NUGGC: variants seen among roughly 807,000 people sequenced by gnomAD.
The protein encoded by NUGGC is nuclear GTPase, germinal center associated.
A neutral mutation model predicts 92.6 loss-of-function variants in NUGGC; 58 were observed. That is an observed-to-expected ratio of 0.63 (90% confidence interval 0.51 to 0.78). The LOEUF is 0.78. Among genes scored for constraint, NUGGC ranks in the 30% least tolerant of loss-of-function variants. The pLI is 0.00. For missense variants in NUGGC, 925 were observed against 964.6 expected (o/e 0.96, Z 0.54); for synonymous variants, 376 against 366.4 (o/e 1.03, Z -0.30).
chr8:28,053,961 C>T (rs759955898), intron 10 of NUGGC, among the ~76,000 whole-genome samples: 1 of 152,108 alleles, frequency 6.6e-6, no homozygotes, highest in Non-Finnish European at 1.5e-5. Context: ...TTCAATTCCA[C>T]GTTGCACAAC....
chr8:28,083,834 G>A lies in NUGGC; in HGVS notation c.-106C>T, dbSNP rs1049612601. 23 of 151,666 alleles carry A rather than the reference G, an allele frequency of 1.5e-4. No homozygotes were observed. The highest frequency in any genetic ancestry group is 1.5e-3 in the Admixed American group (23 of 15,240). 9.4% of individuals were successfully genotyped at this position (151,666 alleles called of 1,614,324 possible). A position where few individuals can be genotyped will look rare whatever the true frequency, so the allele number is the denominator to read the frequency against. ...TCTGGTTTGGTTACAGGAGTCCACA[G>A]AGGAGATGGTGGCAGCTTCTCCTTG... On this transcript the variant is annotated 5_prime_UTR_variant, in exon 1 of 19. Transcript: ENST00000413272.
chr8:28,029,282 T>A lies in NUGGC; in HGVS notation c.2138A>T (p.Gln713Leu), dbSNP rs747619885. 1 of 1,606,328 alleles carries A rather than the reference T, an allele frequency of 6.2e-7. No homozygotes were observed. The highest frequency in any genetic ancestry group is 8.5e-7 in the Non-Finnish European group (1 of 1,176,412). ...FERAQERMQH[Q>L]FQQLKTGIVE... ...ATAGAGTACCTTCAGCTGCTGAAAC[T>A]GGTGCTGCATCCTTTCCTGGGCCCT... Residue 713 changes from glutamine to leucine, a missense_variant, in exon 17 of 19, where the codon CAG (glutamine) becomes CTG (leucine). By Grantham distance (113) the Gln-to-Leu change is moderately radical (BLOSUM62 -2). Coordinates refer to ENST00000413272, the MANE Select transcript of NUGGC (RefSeq NM_001010906.2).
At chr8:28,048,934 G>T (rs937108206) in intron 10 of NUGGC, among the ~76,000 whole-genome samples, 3 of 150,320 alleles carry the variant, frequency 2.0e-5, no homozygotes, top group Admixed American at 1.3e-4. Context: ...TAGAAAAACA[G>T]TGTCGTGGAG....
chr8:28,068,864 G>C (rs1318897383), intron 4 of NUGGC, among the ~76,000 whole-genome samples: 1 of 152,162 alleles, frequency 6.6e-6, no homozygotes, highest in Non-Finnish European at 1.5e-5. Flanking sequence ...AGCCTCTGAA[G>C]TAGCTGGAAC....
At chr8:28,077,819 G>C (rs1810760001) in intron 1 of NUGGC, among the ~76,000 whole-genome samples, 1 of 152,180 alleles carries the variant, frequency 6.6e-6, no homozygotes, top group Non-Finnish European at 1.5e-5. Flanking sequence ...CAAAAGAACT[G>C]ATAGACCAAG....
chr8:28,072,487 T>C (rs1182553285), intron 2 of NUGGC, among the ~76,000 whole-genome samples: 1 of 152,090 alleles, frequency 6.6e-6, no homozygotes, highest in Non-Finnish European at 1.5e-5. Context: ...AGGAACTCTT[T>C]TGGGTAAACA....
In NUGGC at chr8:28,023,261, T is replaced by C; in HGVS notation, c.*56A>G. ...TGTCTCTTAAGAACAAAAAAAGTAA[T>C]TCTAATTCTCTGGCTCTGGGCTGAT... is the stretch of plus-strand genomic sequence containing the variant. On this transcript the variant is annotated 3_prime_UTR_variant, in exon 19 of 19. Coordinates refer to ENST00000413272, the MANE Select transcript of NUGGC (RefSeq NM_001010906.2). The C allele has an allele frequency of 7.8e-6, 12 of 1,547,570 alleles. No homozygotes were observed. Among genetic ancestry groups the C allele is most frequent in the Non-Finnish European group, 1.0e-5 (12 of 1,143,720 alleles).
rs572983426 is a variant in NUGGC at position 28,051,676 on chromosome 8, A to G, written c.1207-4064T>C. On this transcript the variant is annotated intron_variant, in intron 10 of 18. Coordinates refer to ENST00000413272, the MANE Select transcript of NUGGC (RefSeq NM_001010906.2). Reference sequence around the variant, plus strand: ...TGCATTGGCTCATGCCTGTAATCCCAGCACTTTGAGAGGCTGAGGGCAGAT... The same window carrying G: ...TGCATTGGCTCATGCCTGTAATCCCGGCACTTTGAGAGGCTGAGGGCAGAT... 2.0e-5 allele frequency among the ~76,000 whole-genome samples: 3 copies of G among 152,344 alleles called. No individual in the cohort carries two copies. In the South Asian group the frequency reaches 6.2e-4, roughly 32 times the overall value.
chr8:28,056,119 G>A (rs1000761476), intron 9 of NUGGC, 65 bp from the exon 10 acceptor site: 6 of 886,354 alleles, frequency 6.8e-6, no homozygotes, highest in Non-Finnish European at 1.1e-5. Flanking sequence ...GAGGTGGCAA[G>A]ATGCACATTT....
chr8:28,052,401 TG>T (rs1810029339), intron 10 of NUGGC, among the ~76,000 whole-genome samples: 1 of 152,054 alleles, frequency 6.6e-6, no homozygotes, highest in Non-Finnish European at 1.5e-5. Context: ...ATATGGAAAT[TG>T]GGTCATTGAG....
intron 13 of NUGGC, among the ~76,000 whole-genome samples, chr8:28,035,722 C>T (rs921413899): frequency 3.9e-5 from 6 of 152,150 alleles, no homozygotes; most frequent in African/African-American, 1.2e-4. Context: ...TCCATGAGGG[C>T]ATAAATACCC....
intron 11 of NUGGC, 136 bp downstream of exon 11, chr8:28,047,371 T>G (rs924629251): frequency 6.8e-6 from 4 of 592,172 alleles, no homozygotes; most frequent in Non-Finnish European, 1.2e-5. Flanking sequence ...TATCCTTATT[T>G]GCAATTGGTA....
At chr8:28,024,044 A>T (rs916016411) in intron 18 of NUGGC, among the ~76,000 whole-genome samples, 1 of 152,058 alleles carries the variant, frequency 6.6e-6, no homozygotes, top group East Asian at 1.9e-4. Flanking sequence ...GGCCTTTGAC[A>T]TGGAGTTTTG....
chr8:28,036,565 C>T (rs1809559033), intron 13 of NUGGC, among the ~76,000 whole-genome samples: 1 of 152,222 alleles, frequency 6.6e-6, no homozygotes, highest in Non-Finnish European at 1.5e-5. Context: ...GAACATATTG[C>T]TTCCCCAACC....
intron 1 of NUGGC, among the ~76,000 whole-genome samples, chr8:28,076,833 A>T (rs544877639): frequency 1.3e-5 from 2 of 152,298 alleles, no homozygotes; most frequent in South Asian, 4.1e-4. Flanking sequence ...GACATCCTGC[A>T]TATTTTCTAG....
chr8:28,029,056 G>A (rs1045933283), intron 17 of NUGGC, among the ~76,000 whole-genome samples: 4 of 152,148 alleles, frequency 2.6e-5, no homozygotes, highest in African/African-American at 9.7e-5. Context: ...CACATGTCTA[G>A]CTATTACAGT....
chr8:28,065,409 C>G (rs1810417250), intron 6 of NUGGC, among the ~76,000 whole-genome samples: 3 of 152,188 alleles, frequency 2.0e-5, no homozygotes, highest in South Asian at 4.1e-4. Context: ...ATCCGCCCTC[C>G]TCAGCCTCCC....
rs569552583 is a variant in NUGGC at position 28,045,539 on chromosome 8, C to T, written c.1434G>A (p.Thr478=). 62 of 1,611,898 alleles carry T rather than the reference C, an allele frequency of 3.8e-5. No homozygotes were observed. Among genetic ancestry groups the T allele is most frequent in the African/African-American group, 3.7e-4 (28 of 74,944 alleles). The change falls in exon 12 of 19, where the codon ACG becomes ACA. Residue 478 remains threonine (T), a synonymous_variant. Transcript: ENST00000413272. ...LLLLTDSFNS[T]QNLPNEHLHM... Reference sequence around the variant, plus strand: ...GTGTCTTCCATACCGGCAGGTTTTGCGTGGAGTTGAAACTATCTGTGAGGA... The same window carrying T: ...GTGTCTTCCATACCGGCAGGTTTTGTGTGGAGTTGAAACTATCTGTGAGGA...
intron 12 of NUGGC, among the ~76,000 whole-genome samples, chr8:28,042,825 C>T (rs1809733547): frequency 6.6e-6 from 1 of 152,170 alleles, no homozygotes; most frequent in South Asian, 2.1e-4. Flanking sequence ...TTCAAATAGA[C>T]AGAAATAGCT....
Sources: gnomAD v4.1 joint callset for allele counts (sites outside exome capture counted in the v4.1 genomes callset) on GRCh38, gnomAD v4.1.1 for gene constraint, MANE v1.5 for transcripts, NCBI Gene and HGNC (gene_info 2026-07-23, HGNC 2026-07-21) for gene names.